GARRE1: variants seen among roughly 807,000 people sequenced by gnomAD.
GARRE1 encodes granule associated Rac and RHOG effector 1, also known as granule associated Rac and RHOG effector protein 1.
Under a neutral mutation model 103.2 loss-of-function variants are expected in GARRE1, and 49 were observed. The observed-to-expected ratio is 0.47, with a 90% confidence interval of 0.38 to 0.60. The LOEUF is 0.60. Ranked by LOEUF, GARRE1 falls within the 20% of genes least tolerant of loss-of-function variation. The pLI is 0.00. For missense variants in GARRE1, 1,199 were observed against 1,370.5 expected (o/e 0.87, Z 1.98); for synonymous variants, 505 against 532.8 (o/e 0.95, Z 0.72).
Position 34,291,198 on chromosome 19 carries a change from G to A in GARRE1, c.-795-8481G>A, listed in dbSNP as rs190047042. Among the ~76,000 whole-genome samples the A allele has an allele frequency of 7.2e-3, 1,094 of 151,984 alleles. 10 individuals carry two copies. Among genetic ancestry groups the A allele is most frequent in the Non-Finnish European group, 8.7e-3 (593 of 67,962 alleles). ...GCTGGGATCACAGGTGTGAGCCACCGCGCCCAGCCGCATATTGCTTTTTTA... is the reference window on the plus strand; with the variant it reads ...GCTGGGATCACAGGTGTGAGCCACCACGCCCAGCCGCATATTGCTTTTTTA... On this transcript the variant is annotated intron_variant, in intron 1 of 13. Transcript: ENST00000299505.
chr19:34,293,715 A>AAAACACACACACACACACACAC (rs1555781735), intron 1 of GARRE1, among the ~76,000 whole-genome samples: 1 of 100,472 alleles, frequency 1.0e-5, no homozygotes, highest in African/African-American at 4.4e-5. Context: ...TAAACATATA[A>AAAACACACACACACACACACAC]ACACACACAC....
At chr19:34,313,515 G>C (rs60061147) in intron 2 of GARRE1, among the ~76,000 whole-genome samples, 17,026 of 152,184 alleles carry the variant, frequency 0.11, 1,321 homozygotes, top group African/African-American at 0.21. Context: ...CGGCAACATG[G>C]GAGGCATCTA....
At chr19:34,294,519 A>G (rs967756215) in intron 1 of GARRE1, among the ~76,000 whole-genome samples, 2 of 152,078 alleles carry the variant, frequency 1.3e-5, no homozygotes, top group Non-Finnish European at 2.9e-5. Context: ...TTTTCCTCAC[A>G]CTTTTTAAAT....
intron 1 of GARRE1, among the ~76,000 whole-genome samples, chr19:34,263,294 A>C (rs1411293897): frequency 2.6e-5 from 4 of 152,080 alleles, no homozygotes; most frequent in Non-Finnish European, 5.9e-5. Flanking sequence ...ATAGATAGAT[A>C]GATAGATATA....
At chr19:34,330,091 C>G (rs2074130402) in intron 6 of GARRE1, 98 bp from the exon 7 acceptor site, 1 of 1,079,378 alleles carries the variant, frequency 9.3e-7, no homozygotes, top group Admixed American at 2.4e-5. Context: ...ATAAAATGCT[C>G]TTCTCTTGAG....
intron 1 of GARRE1, among the ~76,000 whole-genome samples, chr19:34,287,704 C>T (rs776044146): frequency 6.6e-6 from 1 of 152,064 alleles, no homozygotes; most frequent in Non-Finnish European, 1.5e-5. Context: ...GATCAGGGTG[C>T]CAGCACTGTC....
intron 1 of GARRE1, among the ~76,000 whole-genome samples, chr19:34,283,341 T>C (rs950760671): frequency 1.3e-5 from 2 of 152,166 alleles, no homozygotes; most frequent in Admixed American, 1.3e-4. Context: ...CTGCGATTGG[T>C]AGATTTCTAT....
intron 1 of GARRE1, among the ~76,000 whole-genome samples, chr19:34,258,482 G>C (rs2073689809): frequency 6.6e-6 from 1 of 152,018 alleles, no homozygotes; most frequent in African/African-American, 2.4e-5. Flanking sequence ...GCTTTCTCCA[G>C]GTGAAGAAAA....
At chr19:34,308,870 C>G (rs1004012270) in intron 2 of GARRE1, among the ~76,000 whole-genome samples, 1 of 152,116 alleles carries the variant, frequency 6.6e-6, no homozygotes, top group Non-Finnish European at 1.5e-5. Context: ...TTCGGTGACT[C>G]AACCAGTGGC....
chr19:34,352,377 G>A (rs1323775934), intron 13 of GARRE1, among the ~76,000 whole-genome samples: 2 of 151,478 alleles, frequency 1.3e-5, no homozygotes, highest in Non-Finnish European at 2.9e-5. Flanking sequence ...ACTCCAGCCT[G>A]GGCGAGAGAC....
Position 34,290,029 on chromosome 19 carries a change from G to A in GARRE1, c.-795-9650G>A, listed in dbSNP as rs144625054. 3.3e-3 allele frequency among the ~76,000 whole-genome samples: 508 copies of A among 152,262 alleles called. 1 individual carries two copies. The highest frequency in any genetic ancestry group is 6.8e-3 in the Middle Eastern group (2 of 294). On this transcript the variant is annotated intron_variant, in intron 1 of 13. Transcript: ENST00000299505. ...GACTTATGATGGGAGTTTATGTCCT[G>A]ATAAACCTCTCATAAGTTGAAAATA... is the stretch of plus-strand genomic sequence containing the variant.
At chr19:34,310,857 C>G (rs2074033000) in intron 2 of GARRE1, among the ~76,000 whole-genome samples, 1 of 152,180 alleles carries the variant, frequency 6.6e-6, no homozygotes, top group Non-Finnish European at 1.5e-5. Context: ...TCCTACCTAA[C>G]TGAGAGCGCA....
chr19:34,300,332 A>T lies in GARRE1; in HGVS notation c.-142A>T. The T allele has an allele frequency of 2.3e-6, 2 of 860,936 alleles. No homozygotes were observed. The highest frequency in any genetic ancestry group is 3.8e-5 in the South Asian group (2 of 52,416). 53.3% of individuals were successfully genotyped at this position (860,936 alleles called of 1,614,324 possible). ...GTCTCTCACCTCTACATTGGATCAC[A>T]TGGTCACCTGCCTCATGGAAATGCC... On this transcript the variant is annotated 5_prime_UTR_variant, in exon 2 of 14. The change abolishes an upstream ATG in the 5' untranslated region. Coordinates refer to ENST00000299505, the MANE Select transcript of GARRE1 (RefSeq NM_014686.5).
rs562343952 is a variant in GARRE1 at position 34,338,783 on chromosome 19, A to T, written c.1362-1084A>T. On this transcript the variant is annotated intron_variant, in intron 8 of 13. Transcript: ENST00000299505. ...GGGCTGTGGTGAGGGTTTAGATTTT[A>T]TTTCAATCACGATGATATCCCATTG... 1.4e-4 allele frequency among the ~76,000 whole-genome samples: 21 copies of T among 152,244 alleles called. No homozygotes were observed. The South Asian group carries it at 2.7e-3, about 20-fold the overall frequency.
chr19:34,282,947 G>T (rs1273787298), intron 1 of GARRE1, among the ~76,000 whole-genome samples: 2 of 152,196 alleles, frequency 1.3e-5, no homozygotes, highest in African/African-American at 4.8e-5. Flanking sequence ...AAGATGGCCT[G>T]CAGTTAAATA....
chr19:34,270,880 C>T (rs1337049106), intron 1 of GARRE1, among the ~76,000 whole-genome samples: 3 of 152,164 alleles, frequency 2.0e-5, no homozygotes, highest in African/African-American at 4.8e-5. Context: ...TTTGTAGGGG[C>T]TGTCTTGTGC....
At position 34,352,713 on chromosome 19, in the gene GARRE1, C is replaced by G; in HGVS notation, c.2971C>G (p.Leu991Val). 1.2e-6 allele frequency: 2 copies of G among 1,614,120 alleles called. No individual in the cohort carries two copies. The highest frequency in any genetic ancestry group is 1.7e-6 in the Non-Finnish European group (2 of 1,179,990). The change falls in exon 14 of 14, where the codon CTG becomes GTG. Residue 991 changes from leucine (L) to valine (V), a missense_variant. By Grantham distance (32) the Leu-to-Val change is conservative. Coordinates refer to ENST00000299505, the MANE Select transcript of GARRE1 (RefSeq NM_014686.5). ...WQHPSPLPSTLPSPSAPLYAV... is the reference protein window; with the variant it reads ...WQHPSPLPSTVPSPSAPLYAV... ...GCACCCTTCCCCGCTTCCCAGCACG[C>G]TGCCCAGCCCCAGCGCACCACTCTA...
chr19:34,270,162 G>A (rs2073778044), intron 1 of GARRE1, among the ~76,000 whole-genome samples: 1 of 152,248 alleles, frequency 6.6e-6, no homozygotes, highest in Admixed American at 6.5e-5. Flanking sequence ...AGGAAATGAG[G>A]CGGCTCCTGG....
At chr19:34,299,128 C>T (rs974022544) in intron 1 of GARRE1, among the ~76,000 whole-genome samples, 5 of 152,210 alleles carry the variant, frequency 3.3e-5, no homozygotes, top group Non-Finnish European at 7.3e-5. Flanking sequence ...ACTTTGGGAC[C>T]TTTGCCGTGG....
Sources: allele counts gnomAD v4.1 joint callset (sites outside exome capture counted in the v4.1 genomes callset), GRCh38; gene constraint gnomAD v4.1.1; transcripts MANE v1.5; gene names NCBI Gene and HGNC (gene_info 2026-07-23, HGNC 2026-07-21).